Variants in BBX observed in about 807,000 individuals in gnomAD.
BBX encodes the protein BBX high mobility group box domain containing.
In BBX, 30 loss-of-function variants were observed where a neutral mutation model predicts 100.2. That is an observed-to-expected ratio of 0.30 (90% CI 0.22 to 0.41). The LOEUF (loss-of-function observed/expected upper bound fraction) is 0.41, where lower values mean the gene tolerates loss of function less well. BBX is among the 10% of genes least tolerant of loss of function. The pLI, the probability that BBX is intolerant of heterozygous loss-of-function variation, is 1.00. For synonymous variants in BBX, 376 were observed against 388.1 expected (o/e 0.97, Z 0.37); for missense variants, 1,023 against 1,129.8 (o/e 0.91, Z 1.35).
intron 2 of BBX, among the ~76,000 whole-genome samples, chr3:107,616,361 C>G (rs569382582): frequency 2.6e-4 from 39 of 152,194 alleles, no homozygotes; most frequent in African/African-American, 8.2e-4. Flanking sequence ...AAGGGTTACT[C>G]AGCCTGTAAT....
intron 2 of BBX, among the ~76,000 whole-genome samples, chr3:107,526,920 T>A (rs2047821154): frequency 6.6e-6 from 1 of 152,210 alleles, no homozygotes; most frequent in Non-Finnish European, 1.5e-5. Context: ...AATCTAGCGT[T>A]TAGTGCACTA....
At chr3:107,575,456 G>GT (rs2051703095) in intron 2 of BBX, among the ~76,000 whole-genome samples, 1 of 152,030 alleles carries the variant, frequency 6.6e-6, no homozygotes, top group Admixed American at 6.6e-5. Context: ...TTTTCATTGA[G>GT]TTTTTTAGGT....
intron 13 of BBX, among the ~76,000 whole-genome samples, chr3:107,780,266 A>G (rs1470060175): frequency 1.3e-5 from 2 of 152,142 alleles, no homozygotes; most frequent in Non-Finnish European, 2.9e-5. Context: ...TAATTGATAG[A>G]TGTGCAGGAC....
chr3:107,583,964 TTA>T (rs369652252), intron 2 of BBX, among the ~76,000 whole-genome samples: 4 of 74,596 alleles, frequency 5.4e-5, no homozygotes, highest in Non-Finnish European at 7.0e-5. Flanking sequence ...ATTATATATA[TTA>T]TATATATTAT....
chr3:107,732,878 T>C (rs2063396298), intron 6 of BBX, 78 bp from the exon 7 acceptor site: 2 of 1,197,484 alleles, frequency 1.7e-6, no homozygotes, highest in Admixed American at 2.0e-5. Context: ...TGCTAGTCTT[T>C]ATGAGTATTC....
chr3:107,773,715 C>A lies in BBX; in HGVS notation c.1915+79C>A. 1 of 1,252,242 alleles carries A rather than the reference C, an allele frequency of 8.0e-7. No individual in the cohort carries two copies. Among genetic ancestry groups the A allele is most frequent in the Non-Finnish European group, 1.1e-6 (1 of 911,414 alleles). The allele number at this position is 1,252,242 out of a possible 1,614,324, so 77.6% of individuals were successfully genotyped here. A position where few individuals can be genotyped will look rare whatever the true frequency, so the allele number is the denominator to read the frequency against. ...CTTTAGACCTATTGAAAACAACTGCCATAAAAAACAATATGGTATCAAAAT... is the reference window on the plus strand; with the variant it reads ...CTTTAGACCTATTGAAAACAACTGCAATAAAAAACAATATGGTATCAAAAT... On this transcript the variant is annotated intron_variant, in intron 11 of 17. Coordinates refer to ENST00000325805, the MANE Select transcript of BBX (RefSeq NM_001142568.3). The surrounding 1 kb of genome is among the most constrained non-coding windows in gnomAD (Gnocchi z 4.1).
intron 2 of BBX, among the ~76,000 whole-genome samples, chr3:107,628,165 T>TA (rs986983882): frequency 3.9e-5 from 6 of 152,082 alleles, no homozygotes; most frequent in Admixed American, 3.3e-4. Flanking sequence ...CTCCATATTT[T>TA]AAAAAATTAT....
chr3:107,713,370 T>C (rs1224940944), intron 4 of BBX, among the ~76,000 whole-genome samples: 1 of 152,160 alleles, frequency 6.6e-6, no homozygotes, highest in African/African-American at 2.4e-5. Flanking sequence ...TTAGAAGTTA[T>C]CTCCTTAAAA....
chr3:107,798,876 C>T (rs1452318413), intron 16 of BBX, among the ~76,000 whole-genome samples, 156 bp downstream of exon 16: 5 of 150,848 alleles, frequency 3.3e-5, no homozygotes, highest in African/African-American at 9.7e-5. Flanking sequence ...CCAGGCCAGG[C>T]GCGGTGGCTC....
chr3:107,688,933 T>A (rs1308584652), intron 3 of BBX, among the ~76,000 whole-genome samples: 1 of 152,214 alleles, frequency 6.6e-6, no homozygotes, highest in Non-Finnish European at 1.5e-5. Context: ...GACTCCTCAG[T>A]GAGCCCCTAC....
intron 7 of BBX, among the ~76,000 whole-genome samples, chr3:107,741,124 A>G (rs1472013298): frequency 3.9e-5 from 6 of 151,900 alleles, no homozygotes; most frequent in Non-Finnish European, 8.8e-5. Context: ...TACCAGTGCA[A>G]TACTCCTTTT....
chr3:107,575,763 G>GTA lies in BBX; in HGVS notation c.-84+49367_-84+49368dup, dbSNP rs368389993. Reference sequence around the variant, plus strand: ...ATTTAAATAATTTCAATAGGCAGTAGTATCTCAAAAGTTTTAGTAAATAGC... The same window carrying GTA: ...ATTTAAATAATTTCAATAGGCAGTAGTATATCTCAAAAGTTTTAGTAAATAGC... On this transcript the variant is annotated intron_variant, in intron 2 of 17. Coordinates refer to ENST00000325805, the MANE Select transcript of BBX (RefSeq NM_001142568.3). 3.5e-3 allele frequency among the ~76,000 whole-genome samples: 540 copies of GTA among 152,240 alleles called. 1 individual carries two copies. The highest frequency in any genetic ancestry group is 0.012 in the African/African-American group (498 of 41,546).
intron 16 of BBX, among the ~76,000 whole-genome samples, chr3:107,799,412 C>A (rs572076075): frequency 6.6e-6 from 1 of 152,228 alleles, no homozygotes; most frequent in South Asian, 2.1e-4. Flanking sequence ...ATGTTTTATT[C>A]CATGTTTAAA....
chr3:107,594,752 AC>A (rs2053565009), intron 2 of BBX, among the ~76,000 whole-genome samples: 1 of 152,098 alleles, frequency 6.6e-6, no homozygotes, highest in South Asian at 2.1e-4. Context: ...TAGCTTAAAA[AC>A]GTTATTTTTT....
chr3:107,757,607 G>A (rs1267936312), intron 10 of BBX, among the ~76,000 whole-genome samples: 1 of 152,042 alleles, frequency 6.6e-6, no homozygotes, highest in African/African-American at 2.4e-5. Flanking sequence ...TTAATACAGT[G>A]TATTTTAGAA....
chr3:107,725,259 G>A (rs1475404394), intron 5 of BBX, among the ~76,000 whole-genome samples: 1 of 152,118 alleles, frequency 6.6e-6, no homozygotes, highest in Non-Finnish European at 1.5e-5. Flanking sequence ...CATTGATTTT[G>A]TATCCTGAGA....
intron 3 of BBX, among the ~76,000 whole-genome samples, chr3:107,709,125 G>A (rs1227256385): frequency 1.3e-5 from 2 of 152,018 alleles, no homozygotes; most frequent in African/African-American, 4.8e-5. Flanking sequence ...TAGTTGGCTA[G>A]CTATTTTTTT....
At chr3:107,675,102 C>G (rs1287240203) in intron 3 of BBX, among the ~76,000 whole-genome samples, 1 of 152,084 alleles carries the variant, frequency 6.6e-6, no homozygotes, top group Admixed American at 6.6e-5. Flanking sequence ...TTTAACTATA[C>G]CATAAATGGT....
chr3:107,577,761 A>C (rs891170634), intron 2 of BBX, among the ~76,000 whole-genome samples: 4 of 152,184 alleles, frequency 2.6e-5, no homozygotes, highest in African/African-American at 9.7e-5. Context: ...ACTGGAAAGA[A>C]AATATCAAAT....
Sources: allele counts gnomAD v4.1 joint callset (sites outside exome capture counted in the v4.1 genomes callset), GRCh38; gene constraint gnomAD v4.1.1; non-coding constraint Gnocchi (gnomAD v3.1); transcripts MANE v1.5; gene names NCBI Gene and HGNC (gene_info 2026-07-23, HGNC 2026-07-21).